CDH13: variants seen among roughly 807,000 people sequenced by gnomAD.
CDH13 encodes the protein cadherin 13.
A neutral mutation model predicts 63.8 loss-of-function variants in CDH13; 24 were observed. The ratio of observed to expected loss-of-function variants is 0.38; its 90% CI spans 0.27 to 0.53. CDH13 has a LOEUF of 0.53. Ranked by LOEUF, CDH13 falls within the 20% of genes least tolerant of loss-of-function variation. CDH13 has a pLI of 0.85. For missense variants in CDH13, 1,049 were observed against 903.1 expected, an observed-to-expected ratio of 1.16 and a Z score of -2.07; for synonymous variants, 503 against 355.3, an observed-to-expected ratio of 1.42 and a Z score of -4.67.
chr16:82,921,184 A>G (rs549329457), intron 2 of CDH13, among the ~76,000 whole-genome samples: 14 of 152,272 alleles, frequency 9.2e-5, no homozygotes, highest in African/African-American at 3.4e-4. Context: ...GCTTAAAACA[A>G]GAAATTTATT....
chr16:83,467,755 C>T (rs1427144820), intron 6 of CDH13, among the ~76,000 whole-genome samples: 1 of 152,162 alleles, frequency 6.6e-6, no homozygotes, highest in African/African-American at 2.4e-5. Flanking sequence ...ACCCAACCCA[C>T]CACACACCGG....
chr16:83,676,082 G>A (rs544116556), intron 9 of CDH13, among the ~76,000 whole-genome samples: 2 of 152,276 alleles, frequency 1.3e-5, no homozygotes, highest in South Asian at 2.1e-4. Flanking sequence ...AAGAAGGAGA[G>A]GAGGAGGGAG....
intron 1 of CDH13, among the ~76,000 whole-genome samples, chr16:82,677,797 T>A (rs1355796432): frequency 6.6e-6 from 1 of 152,214 alleles, no homozygotes; most frequent in Non-Finnish European, 1.5e-5. Context: ...ATTTTTCTCC[T>A]CTTTTTTGAC....
At chr16:83,760,174 C>A (rs1421299016) in intron 11 of CDH13, among the ~76,000 whole-genome samples, 1 of 151,914 alleles carries the variant, frequency 6.6e-6, no homozygotes, top group Non-Finnish European at 1.5e-5. Flanking sequence ...AGCAGCATAC[C>A]TATAAAATGG....
chr16:82,676,987 G>A (rs573959061), intron 1 of CDH13, among the ~76,000 whole-genome samples: 16 of 152,070 alleles, frequency 1.1e-4, no homozygotes, highest in South Asian at 1.0e-3. Flanking sequence ...AGGTTCAAGC[G>A]ATTCTCCTGC....
intron 10 of CDH13, among the ~76,000 whole-genome samples, chr16:83,683,112 G>A (rs1915541297): frequency 6.6e-6 from 1 of 152,168 alleles, no homozygotes; most frequent in South Asian, 2.1e-4. Context: ...TGATCTCCAA[G>A]GAACCTGTGA....
intron 9 of CDH13, 116 bp downstream of exon 9, chr16:83,671,088 T>G (rs1914460318): frequency 9.2e-6 from 8 of 870,508 alleles, no homozygotes; most frequent in Non-Finnish European, 8.9e-6. Context: ...AGTCTCCTCC[T>G]TCTGGGAATT....
chr16:83,066,510 C>A (rs1415277141), intron 3 of CDH13, among the ~76,000 whole-genome samples: 1 of 151,674 alleles, frequency 6.6e-6, no homozygotes. Context: ...TTAGGGCTGA[C>A]TGATGCTTAC....
chr16:82,729,553 G>A (rs1445877951), intron 1 of CDH13, among the ~76,000 whole-genome samples: 2 of 151,950 alleles, frequency 1.3e-5, no homozygotes, highest in Non-Finnish European at 2.9e-5. Flanking sequence ...AAAGCATGCT[G>A]TAAACAGATG....
intron 10 of CDH13, among the ~76,000 whole-genome samples, chr16:83,719,071 G>T (rs1017676253): frequency 6.6e-6 from 1 of 152,140 alleles, no homozygotes; most frequent in African/African-American, 2.4e-5. Flanking sequence ...CACCCTCAAT[G>T]CCTCTTAAAA....
chr16:83,294,217 C>G (rs954277625), intron 5 of CDH13, among the ~76,000 whole-genome samples: 2 of 152,054 alleles, frequency 1.3e-5, no homozygotes, highest in East Asian at 3.9e-4. Context: ...TGCATTATGT[C>G]ACAGTTACTA....
At chr16:83,089,930 C>A (rs1290028566) in intron 3 of CDH13, among the ~76,000 whole-genome samples, 1 of 152,254 alleles carries the variant, frequency 6.6e-6, no homozygotes, top group East Asian at 1.9e-4. Flanking sequence ...AAGAGATGCT[C>A]TGAGGACCAT....
intron 13 of CDH13, among the ~76,000 whole-genome samples, chr16:83,791,861 C>T (rs1916293024): frequency 7.1e-6 from 1 of 140,536 alleles, no homozygotes; most frequent in Non-Finnish European, 1.6e-5. Flanking sequence ...AGCCAGTAAA[C>T]ACTTTTAAAA....
chr16:82,780,884 T>C (rs573618287), intron 1 of CDH13, among the ~76,000 whole-genome samples: 3 of 152,386 alleles, frequency 2.0e-5, no homozygotes, highest in South Asian at 2.1e-4. Flanking sequence ...TATTTCATTC[T>C]ACATTTGACA....
chr16:82,892,148 A>G (rs965462049), intron 2 of CDH13, among the ~76,000 whole-genome samples: 5 of 152,116 alleles, frequency 3.3e-5, no homozygotes, highest in African/African-American at 1.2e-4. Context: ...GTTGGTGTTC[A>G]GTTTCCTCAT....
At chr16:83,492,883 C>A (rs867713107) in intron 7 of CDH13, among the ~76,000 whole-genome samples, 1 of 152,166 alleles carries the variant, frequency 6.6e-6, no homozygotes, top group Non-Finnish European at 1.5e-5. Flanking sequence ...TTCCCCCATC[C>A]CTCTTAGTGT....
At chr16:83,713,457 A>G (rs1332173094) in intron 10 of CDH13, among the ~76,000 whole-genome samples, 1 of 152,050 alleles carries the variant, frequency 6.6e-6, no homozygotes, top group East Asian at 1.9e-4. Flanking sequence ...TTGAAGGGGG[A>G]AAACACGAAC....
intron 9 of CDH13, among the ~76,000 whole-genome samples, chr16:83,674,988 C>T (rs1037207699): frequency 5.3e-5 from 8 of 152,336 alleles, no homozygotes; most frequent in African/African-American, 1.9e-4. Context: ...AGCCAACAAA[C>T]CCAGGTCCTC....
At chr16:83,045,874 G>T (rs895876876) in intron 3 of CDH13, among the ~76,000 whole-genome samples, 10 of 152,184 alleles carry the variant, frequency 6.6e-5, no homozygotes, top group African/African-American at 2.4e-4. Flanking sequence ...AAGTTTTCAG[G>T]CAGAAGCCTG....
Sources: allele counts gnomAD v4.1 joint callset (sites outside exome capture counted in the v4.1 genomes callset), GRCh38; gene constraint gnomAD v4.1.1; transcripts MANE v1.5; gene names NCBI Gene and HGNC (gene_info 2026-07-23, HGNC 2026-07-21).